Variants in ENPP2 observed in about 807,000 individuals in gnomAD.
ENPP2 encodes autotaxin.
In ENPP2, 51 loss-of-function variants were observed where a neutral mutation model predicts 120.2. That is an observed-to-expected ratio of 0.42 (90% CI 0.34 to 0.54). The LOEUF (loss-of-function observed/expected upper bound fraction) is 0.54, where lower values mean the gene tolerates loss of function less well. Ranked by LOEUF, ENPP2 falls within the 20% of genes least tolerant of loss-of-function variation. The pLI is 0.04. For synonymous variants in ENPP2, 365 were observed against 366.4 expected, an observed-to-expected ratio of 1.00 and a Z score of 0.04; for missense variants, 920 against 1,066.5, an observed-to-expected ratio of 0.86 and a Z score of 1.91.
At chr8:119,673,297 C>T (rs1309480809) in exon 1 of ENPP2, 5 of 1,535,126 alleles carry the variant, frequency 3.3e-6, no homozygotes, top group Middle Eastern at 3.3e-4. Context: ...GGCGTCTGTT[C>T]CTGCCCGGGC....
intron 13 of ENPP2, among the ~76,000 whole-genome samples, 172 bp from the exon 14 acceptor site, chr8:119,587,247 T>C (rs2305128): frequency 0.053 from 8,007 of 152,252 alleles, 293 homozygotes; most frequent in South Asian, 0.12. Flanking sequence ...ATTTCAGTCA[T>C]TGACATGCAG....
At chr8:119,559,017 A>G (rs1452012769) in intron 24 of ENPP2, among the ~76,000 whole-genome samples, 4 of 152,204 alleles carry the variant, frequency 2.6e-5, no homozygotes, top group Admixed American at 6.5e-5. Flanking sequence ...ATGCCTGGCC[A>G]TCTCAGGCAA....
At chr8:119,590,995 T>A (rs1323573736) in intron 12 of ENPP2, among the ~76,000 whole-genome samples, 5 of 109,952 alleles carry the variant, frequency 4.5e-5, no homozygotes, top group Non-Finnish European at 5.3e-5. Context: ...ATCTATTCTT[T>A]AAAAAAAAAA....
chr8:119,631,515 C>T (rs2130805284), intron 2 of ENPP2, among the ~76,000 whole-genome samples: 1 of 152,226 alleles, frequency 6.6e-6, no homozygotes, highest in African/African-American at 2.4e-5. Flanking sequence ...CACGCCCAGT[C>T]TATCTCTTTT....
intron 1 of ENPP2, among the ~76,000 whole-genome samples, chr8:119,671,006 T>C (rs1818225996): frequency 6.6e-6 from 1 of 151,882 alleles, no homozygotes; most frequent in South Asian, 2.1e-4. Context: ...TTTGACACAG[T>C]CTGGGCACAG....
At chr8:119,673,257 C>A (rs561818753) in exon 1 of ENPP2, 6 of 1,534,978 alleles carry the variant, frequency 3.9e-6, no homozygotes, top group Non-Finnish European at 5.2e-6. Flanking sequence ...CGTACCCGAT[C>A]GGCGTGGCGG....
chr8:119,612,768 T>C (rs1480604575), intron 8 of ENPP2, among the ~76,000 whole-genome samples: 1 of 152,134 alleles, frequency 6.6e-6, no homozygotes, highest in Non-Finnish European at 1.5e-5. Context: ...TGTGTGCCTA[T>C]AGTCCCACCT....
intron 22 of ENPP2, among the ~76,000 whole-genome samples, chr8:119,565,544 G>A (rs1814346390): frequency 6.6e-6 from 1 of 152,180 alleles, no homozygotes; most frequent in African/African-American, 2.4e-5. Flanking sequence ...CATAATCAAT[G>A]GCTCTGGCAC....
intron 2 of ENPP2, 85 bp from the exon 3 acceptor site, chr8:119,626,805 G>T: frequency 7.9e-7 from 1 of 1,264,590 alleles, no homozygotes; most frequent in Non-Finnish European, 1.1e-6. Flanking sequence ...TGTGCGGTGT[G>T]ATGCTGCAGT....
chr8:119,659,325 A>AG (rs1817855492), intron 1 of ENPP2, among the ~76,000 whole-genome samples: 1 of 150,372 alleles, frequency 6.7e-6, no homozygotes, highest in Non-Finnish European at 1.5e-5. Flanking sequence ...TCAATTAAAA[A>AG]AAAAAAAAAA....
chr8:119,572,331 C>T (rs1815069137), intron 19 of ENPP2: 3 of 1,020,252 alleles, frequency 2.9e-6, no homozygotes, highest in Non-Finnish European at 4.4e-6. Flanking sequence ...ACACACAGTC[C>T]TCCAAACTCA....
intron 11 of ENPP2, among the ~76,000 whole-genome samples, chr8:119,594,710 A>G (rs1196599676): frequency 1.3e-5 from 2 of 152,244 alleles, no homozygotes; most frequent in African/African-American, 2.4e-5. Flanking sequence ...AAGATTTTTA[A>G]GAAACATCTG....
At position 119,593,878 on chromosome 8, in the gene ENPP2, G is replaced by A. The variant is rs781345141; in HGVS notation, c.973-18C>T. 5.8e-6 allele frequency: 8 copies of A among 1,367,678 alleles called. No homozygotes were observed. The highest frequency in any genetic ancestry group is 1.7e-5 in the Admixed American group (1 of 59,668). 84.7% of individuals were successfully genotyped at this position (1,367,678 alleles called of 1,614,324 possible). A position where few individuals can be genotyped will look rare whatever the true frequency, so the allele number is the denominator to read the frequency against. On this transcript the variant is annotated intron_variant, in intron 11 of 24. Transcript: ENST00000075322. Reference sequence around the variant, plus strand: ...TTTGTCATCTAGGAAAAAGAAGCAAGTTAGTCCCCACAGGGTTTTCTTTCT... The same window carrying A: ...TTTGTCATCTAGGAAAAAGAAGCAAATTAGTCCCCACAGGGTTTTCTTTCT...
intron 1 of ENPP2, among the ~76,000 whole-genome samples, chr8:119,659,404 A>G (rs913562910): frequency 1.3e-5 from 2 of 151,716 alleles, no homozygotes; most frequent in South Asian, 4.2e-4. Context: ...AAATAACACT[A>G]TTTTCTTACC....
intron 8 of ENPP2, 22 bp from the exon 9 acceptor site, chr8:119,607,999 G>A (rs1444274612): frequency 6.4e-7 from 1 of 1,565,866 alleles, no homozygotes. Flanking sequence ...AATATAAGCG[G>A]CTTAAAATGT....
chr8:119,646,524 C>T (rs1470778395), intron 1 of ENPP2, among the ~76,000 whole-genome samples: 1 of 152,146 alleles, frequency 6.6e-6, no homozygotes, highest in Non-Finnish European at 1.5e-5. Context: ...CTTAACCAGG[C>T]TCATAGGACC....
intron 11 of ENPP2, among the ~76,000 whole-genome samples, chr8:119,595,367 C>T (rs1022346385): frequency 6.6e-6 from 1 of 152,296 alleles, no homozygotes; most frequent in South Asian, 2.1e-4. Context: ...CCATTATTTT[C>T]TCTTTCTTTC....
intron 24 of ENPP2, among the ~76,000 whole-genome samples, chr8:119,558,093 C>T (rs1813611179): frequency 6.6e-6 from 1 of 152,162 alleles, no homozygotes; most frequent in Non-Finnish European, 1.5e-5. Flanking sequence ...CTTCTGCTTC[C>T]CAAGGAAAGT....
At chr8:119,566,165 C>G (rs867298870) in intron 22 of ENPP2, among the ~76,000 whole-genome samples, 39 of 152,316 alleles carry the variant, frequency 2.6e-4, no homozygotes, top group African/African-American at 8.9e-4. Context: ...ACTGTCATCC[C>G]CTGCAGAGAA....
Sources: gnomAD v4.1 joint callset for allele counts (sites outside exome capture counted in the v4.1 genomes callset) on GRCh38, gnomAD v4.1.1 for gene constraint, MANE v1.5 for transcripts, NCBI Gene and HGNC (gene_info 2026-07-23, HGNC 2026-07-21) for gene names.